The following CDC25C variants were observed in gnomAD, a reference collection of about 807,000 sequenced individuals.
CDC25C encodes M-phase inducer phosphatase 3.
Under a neutral mutation model 52.5 loss-of-function variants are expected in CDC25C, and 48 were observed. That is an observed-to-expected ratio of 0.91 (90% CI 0.72 to 1.16). The LOEUF is 1.16. CDC25C is among the 50% of genes most tolerant of loss of function. CDC25C has a pLI of 0.00. For synonymous variants in CDC25C, 187 were observed against 206.5 expected, an observed-to-expected ratio of 0.91 and a Z score of 0.81; for missense variants, 510 against 566.1, an observed-to-expected ratio of 0.90 and a Z score of 1.01.
intron 7 of CDC25C, among the ~76,000 whole-genome samples, chr5:138,307,534 A>C (rs1039494193): frequency 6.6e-6 from 1 of 151,794 alleles, no homozygotes; most frequent in South Asian, 2.1e-4. Flanking sequence ...GAAGGAAAAA[A>C]AGAAAGAGAA....
At chr5:138,310,135 G>A (rs762801557) in intron 7 of CDC25C, among the ~76,000 whole-genome samples, 131 of 152,076 alleles carry the variant, frequency 8.6e-4, no homozygotes, top group Non-Finnish European at 1.3e-3. Flanking sequence ...AATCATCGTC[G>A]ACTTTTCTGC....
At chr5:138,325,741 C>T in intron 6 of CDC25C, 74 bp downstream of exon 6, 1 of 994,804 alleles carries the variant, frequency 1.0e-6, no homozygotes, top group Non-Finnish European at 1.6e-6. Context: ...AGTTCTATGT[C>T]TCATTATGAT....
chr5:138,327,413 T>G (rs1377232227), intron 4 of CDC25C, among the ~76,000 whole-genome samples: 2 of 150,890 alleles, frequency 1.3e-5, no homozygotes, highest in Non-Finnish European at 3.0e-5. Context: ...CGCTGATCAC[T>G]TGAGGTCAGG....
At chr5:138,318,384 T>C (rs536051438) in intron 7 of CDC25C, among the ~76,000 whole-genome samples, 6 of 151,950 alleles carry the variant, frequency 3.9e-5, no homozygotes, top group African/African-American at 1.4e-4. Context: ...TTTAGTAGAG[T>C]GACTCATACA....
chr5:138,311,913 A>G (rs1425385933), intron 7 of CDC25C, among the ~76,000 whole-genome samples: 1 of 152,208 alleles, frequency 6.6e-6, no homozygotes, highest in African/African-American at 2.4e-5. Flanking sequence ...CACTTCTCCA[A>G]AGAAGATATA....
chr5:138,327,207 A>T (rs1171969715), intron 4 of CDC25C, among the ~76,000 whole-genome samples: 1 of 151,474 alleles, frequency 6.6e-6, no homozygotes, highest in African/African-American at 2.4e-5. Flanking sequence ...GTGAGCCAAA[A>T]TCGCACCACT....
At chr5:138,321,034 G>A (rs760455732) in intron 6 of CDC25C, among the ~76,000 whole-genome samples, 2 of 151,452 alleles carry the variant, frequency 1.3e-5, no homozygotes, top group African/African-American at 4.9e-5. Flanking sequence ...GTTTGAGGCT[G>A]CAGTGAGTTA....
intron 6 of CDC25C, among the ~76,000 whole-genome samples, chr5:138,321,444 A>T (rs1759377104): frequency 6.6e-6 from 1 of 152,022 alleles, no homozygotes. Flanking sequence ...AGAAACCAAA[A>T]ACCTAAATAA....
At chr5:138,313,379 CAAAAAA>C (rs774904685) in intron 7 of CDC25C, among the ~76,000 whole-genome samples, 4 of 37,058 alleles carry the variant, frequency 1.1e-4, no homozygotes, top group East Asian at 6.9e-4. Context: ...CTATATCTCA[CAAAAAA>C]AAAAAAAAAA....
At chr5:138,327,461 AT>A (rs1759984502) in intron 4 of CDC25C, among the ~76,000 whole-genome samples, 1 of 151,514 alleles carries the variant, frequency 6.6e-6, no homozygotes, top group Non-Finnish European at 1.5e-5. Flanking sequence ...TGAAGCCTCC[AT>A]TTTTGTATTA....
In CDC25C at chr5:138,325,845, T is replaced by C; in HGVS notation, c.429A>G (p.Ala143=). 2.5e-6 allele frequency: 4 copies of C among 1,613,768 alleles called. No homozygotes were observed. The highest frequency in any genetic ancestry group is 1.1e-5 in the South Asian group (1 of 91,068). ...CTTTATTTGCAGATGAACTACACAT[T>C]GCATCTCTCTTTCTATGGCCACGGT... ...GLDRGHRKRD[A]MCSSSANKEN... The change falls in exon 6 of 14, where the codon GCA becomes GCG. Residue 143 remains alanine, a synonymous_variant. Coordinates refer to ENST00000323760, the MANE Select transcript of CDC25C (RefSeq NM_001790.5).
chr5:138,312,210 G>A (rs1336523541), intron 7 of CDC25C, among the ~76,000 whole-genome samples: 1 of 151,988 alleles, frequency 6.6e-6, no homozygotes, highest in Non-Finnish European at 1.5e-5. Context: ...ATACCCTAAA[G>A]AACTGAAAGC....
intron 2 of CDC25C, among the ~76,000 whole-genome samples, chr5:138,330,195 A>ATT (rs879534356): frequency 6.8e-6 from 1 of 147,422 alleles, no homozygotes; most frequent in African/African-American, 2.5e-5. Context: ...GAAACAGATA[A>ATT]TTTTTTTTTT....
chr5:138,332,895 G>C (rs1278111852), upstream of CDC25C, among the ~76,000 whole-genome samples: 1 of 152,156 alleles, frequency 6.6e-6, no homozygotes, highest in Non-Finnish European at 1.5e-5. Context: ...ATCCTGTGCT[G>C]GGGGAAGGTA....
intron 4 of CDC25C, among the ~76,000 whole-genome samples, chr5:138,326,814 T>C (rs1402391353): frequency 6.6e-6 from 1 of 151,582 alleles, no homozygotes; most frequent in African/African-American, 2.4e-5. Flanking sequence ...TAGCCAGGCA[T>C]GGTGGCGCAT....
intron 10 of CDC25C, among the ~76,000 whole-genome samples, chr5:138,287,506 C>T (rs1011604165): frequency 6.6e-6 from 1 of 152,176 alleles, no homozygotes; most frequent in Non-Finnish European, 1.5e-5. Flanking sequence ...CAAGGAAAAC[C>T]ATATTCAGGC....
At chr5:138,297,348 ACTGTGC>A (rs1757291702) in intron 7 of CDC25C, among the ~76,000 whole-genome samples, 1 of 152,200 alleles carries the variant, frequency 6.6e-6, no homozygotes, top group South Asian at 2.1e-4. Flanking sequence ...GGCATGAGCC[ACTGTGC>A]CCGGCCTAGT....
At chr5:138,293,007 G>C (rs140838882) in intron 7 of CDC25C, among the ~76,000 whole-genome samples, 30 of 152,300 alleles carry the variant, frequency 2.0e-4, no homozygotes, top group African/African-American at 7.2e-4. Flanking sequence ...AGCCATAACT[G>C]GAAGGCAGCT....
intron 6 of CDC25C, among the ~76,000 whole-genome samples, chr5:138,321,679 G>A (rs1344657423): frequency 2.2e-5 from 3 of 139,488 alleles, no homozygotes; most frequent in South Asian, 5.2e-4. Context: ...TTGAACCCAG[G>A]AGGCAGAGGT....
Sources: allele counts gnomAD v4.1 joint callset (sites outside exome capture counted in the v4.1 genomes callset), GRCh38; gene constraint gnomAD v4.1.1; transcripts MANE v1.5; gene names NCBI Gene and HGNC (gene_info 2026-07-23, HGNC 2026-07-21).